The following BPTF variants were observed in gnomAD, a reference collection of about 807,000 sequenced individuals.
BPTF encodes the protein nucleosome-remodeling factor subunit BPTF.
Under a neutral mutation model 292.5 loss-of-function variants are expected in BPTF, and 18 were observed. The observed-to-expected ratio is 0.06, with a 90% confidence interval of 0.04 to 0.09. The LOEUF is 0.09. Among genes scored for constraint, BPTF ranks in the 10% least tolerant of loss-of-function variants. The probability of loss-of-function intolerance (pLI) is 1.00; values close to 1 mark genes in which losing one functional copy is unlikely to be tolerated. For missense variants in BPTF, 2,726 were observed against 3,498.7 expected (o/e 0.78, Z 5.57); for synonymous variants, 1,225 against 1,251.9 (o/e 0.98, Z 0.45).
intron 1 of BPTF, among the ~76,000 whole-genome samples, chr17:67,840,458 C>CTTG (rs141331058): frequency 2.0e-5 from 3 of 149,442 alleles, no homozygotes; most frequent in South Asian, 2.1e-4. Context: ...TGCTGCTCCT[C>CTTG]TTGTTGTTGT....
At chr17:67,886,323 A>C in intron 4 of BPTF, 1 of 1,577,970 alleles carries the variant, frequency 6.3e-7, no homozygotes, top group African/African-American at 1.3e-5. Context: ...ATAGGTAAGA[A>C]TATACTTCAT....
chr17:67,874,864 G>A lies in BPTF; in HGVS notation c.1708G>A (p.Val570Ile). ...AGCCAAAAAGGGAGACATTGATAATGTTAAAAGCCCAGAAGAAACAGAAAA... is the reference window on the plus strand; with the variant it reads ...AGCCAAAAAGGGAGACATTGATAATATTAAAAGCCCAGAAGAAACAGAAAA... ...IRAKKGDIDN[V>I]KSPEETEKDK... is the part of the protein sequence containing the mutation. Residue 570 changes from valine to isoleucine, a missense_variant, in exon 4 of 28, where the codon GTT (valine) becomes ATT (isoleucine). Val to Ile is a conservative substitution (Grantham distance 29, BLOSUM62 3). This residue lies in a region of BPTF where 187 missense variants were observed against 201.5 expected (regional missense o/e 0.93). Coordinates refer to ENST00000306378, the MANE Select transcript of BPTF (RefSeq NM_182641.4). The A allele has an allele frequency of 1.2e-6, 2 of 1,612,948 alleles. No individual in the cohort carries two copies. The highest frequency in any genetic ancestry group is 1.7e-6 in the Non-Finnish European group (2 of 1,179,860).
intron 4 of BPTF, among the ~76,000 whole-genome samples, chr17:67,890,744 AATT>A (rs1353991615): frequency 2.6e-5 from 4 of 152,172 alleles, no homozygotes; most frequent in African/African-American, 9.7e-5. Context: ...AAATTGTCTT[AATT>A]ATTTTCCCCA....
At position 67,944,181 on chromosome 17, in the gene BPTF, A is replaced by G. The variant is rs782055877; in HGVS notation, c.6509A>G (p.Gln2170Arg). 6.2e-7 allele frequency: 1 copy of G among 1,614,238 alleles called. No homozygotes were observed. Among genetic ancestry groups the G allele is most frequent in the Non-Finnish European group, 8.5e-7 (1 of 1,180,036 alleles). The change falls in exon 20 of 28, where the codon CAA becomes CGA. Residue 2170 changes from glutamine (Q) to arginine (R), a missense_variant. Gln to Arg is a conservative substitution (Grantham distance 43, BLOSUM62 1). Coordinates refer to ENST00000306378, the MANE Select transcript of BPTF (RefSeq NM_182641.4). ...GGNQGLTVVI[Q>R]GQGQTTGQLQ... ...AATCAAGGTTTGACAGTAGTAATTC[A>G]AGGACAAGGTCAAACTACTGGACAG...
intron 26 of BPTF, among the ~76,000 whole-genome samples, chr17:67,972,143 G>A (rs1411710193): frequency 2.6e-5 from 4 of 152,040 alleles, no homozygotes; most frequent in African/African-American, 9.7e-5. Context: ...CAAAGAAAGT[G>A]TTTTTATGTA....
At chr17:67,915,043 G>A (rs1010410275) in intron 11 of BPTF, among the ~76,000 whole-genome samples, 8 of 152,148 alleles carry the variant, frequency 5.3e-5, no homozygotes, top group African/African-American at 1.9e-4. Flanking sequence ...AGCCATGCAC[G>A]TGAAATGCAT....
chr17:67,930,009 A>C (rs1443514251), intron 17 of BPTF, among the ~76,000 whole-genome samples: 2 of 151,488 alleles, frequency 1.3e-5, no homozygotes, highest in African/African-American at 4.8e-5. Context: ...CCAGCACCTC[A>C]GGAGGCTGAG....
intron 9 of BPTF, among the ~76,000 whole-genome samples, chr17:67,907,862 C>T (rs555358733): frequency 8.7e-4 from 133 of 152,304 alleles, no homozygotes; most frequent in Non-Finnish European, 1.2e-3. Context: ...CCATATTCCA[C>T]TTGCCCTGGT....
At chr17:67,963,663 A>C (rs1240759563) in intron 24 of BPTF, among the ~76,000 whole-genome samples, 1 of 151,998 alleles carries the variant, frequency 6.6e-6, no homozygotes, top group Non-Finnish European at 1.5e-5. Flanking sequence ...TTCCCTTTTT[A>C]CCTACCCTTC....
rs569107745 is a variant in BPTF at position 67,883,176 on chromosome 17, C to T, written c.1864+8156C>T. Among the ~76,000 whole-genome samples the T allele has an allele frequency of 1.4e-4, 21 of 151,858 alleles. No homozygotes were observed. In the South Asian group the frequency reaches 1.5e-3, roughly 11 times the overall value. On this transcript the variant is annotated intron_variant, in intron 4 of 27. Coordinates refer to ENST00000306378, the MANE Select transcript of BPTF (RefSeq NM_182641.4). ...AAAAATACAAACAAAATTAGCCGGG[C>T]GTGATGATGGGCGCCTGTAGTCTCA...
At chr17:67,949,595 C>A (rs2066094128) in intron 23 of BPTF, among the ~76,000 whole-genome samples, 1 of 150,928 alleles carries the variant, frequency 6.6e-6, no homozygotes, top group Non-Finnish European at 1.5e-5. Context: ...AAGTAGACAT[C>A]TATTTATACA....
chr17:67,925,884 C>T (rs1298973470), intron 15 of BPTF, among the ~76,000 whole-genome samples: 2 of 151,644 alleles, frequency 1.3e-5, no homozygotes, highest in Admixed American at 6.6e-5. Context: ...CTGTCTGTCA[C>T]AGGAAACCAA....
In BPTF at chr17:67,843,356, G is replaced by C. The variant is rs117820910; in HGVS notation, c.614-10584G>C. Among the ~76,000 whole-genome samples, 230 of 150,492 alleles carry C rather than the reference G, an allele frequency of 1.5e-3. 2 individuals are homozygous for C. The East Asian group carries it at 0.032, about 21-fold the overall frequency. ...TTTATTGCCCAGGCTGGAGTGCAGT[G>C]GTGTGATGTCGGCTCATTTTTGTAT... On this transcript the variant is annotated intron_variant, in intron 1 of 27. Coordinates refer to ENST00000306378, the MANE Select transcript of BPTF (RefSeq NM_182641.4).
chr17:67,949,682 GACAT>G (rs1331657875), intron 23 of BPTF, among the ~76,000 whole-genome samples: 3 of 7,010 alleles, frequency 4.3e-4, no homozygotes, highest in African/African-American at 4.6e-4. Context: ...TATACACACA[GACAT>G]ACATATATAT....
intron 24 of BPTF, 78 bp downstream of exon 24, chr17:67,959,953 T>A: frequency 1.8e-5 from 20 of 1,087,994 alleles, no homozygotes; most frequent in Non-Finnish European, 2.6e-5. Context: ...AAAATGAATA[T>A]TTTGGGAGTG....
intron 20 of BPTF, 199 bp downstream of exon 20, chr17:67,944,571 T>A: frequency 1.7e-6 from 1 of 592,102 alleles, no homozygotes; most frequent in South Asian, 2.1e-5. Context: ...ACCACCACCC[T>A]CTCCCTCCTA....
rs2061292477 is a variant in BPTF, at chr17:67,894,065, A to G, written c.2443A>G (p.Ser815Gly). 1 of 1,613,914 alleles carries G rather than the reference A, an allele frequency of 6.2e-7. No individual in the cohort carries two copies. ...ANWIKAVQMC[S>G]KPREFALALA... is the part of the protein sequence containing the mutation. ...TTGGATCAAGGCAGTTCAGATGTGT[A>G]GCAAACCCAGAGAATTTGCATTGGC... is the stretch of plus-strand genomic sequence containing the variant. Residue 815 changes from serine to glycine, a missense_variant, in exon 7 of 28, where the codon AGC (serine) becomes GGC (glycine). Transcript: ENST00000306378.
intron 4 of BPTF, among the ~76,000 whole-genome samples, chr17:67,875,246 C>T (rs774633556): frequency 2.6e-4 from 40 of 152,120 alleles, no homozygotes; most frequent in Non-Finnish European, 8.8e-5. Flanking sequence ...ATTTATACTT[C>T]CCATTAAGTT....
chr17:67,976,415 G>A (rs559748456), intron 27 of BPTF, among the ~76,000 whole-genome samples: 178 of 152,332 alleles, frequency 1.2e-3, no homozygotes, highest in African/African-American at 4.2e-3. Context: ...GGAGGTTGCA[G>A]TGAGCCAAGA....
Sources: gnomAD v4.1 joint callset for allele counts (sites outside exome capture counted in the v4.1 genomes callset) on GRCh38, gnomAD v4.1.1 for gene constraint, gnomAD v4.1.1 regional missense constraint, MANE v1.5 for transcripts, NCBI Gene and HGNC (gene_info 2026-07-23, HGNC 2026-07-21) for gene names.